MEP1B: variants seen among roughly 807,000 people sequenced by gnomAD.
MEP1B encodes the protein N-benzoyl-L-tyrosyl-P-amino-benzoic acid hydrolase subunit beta.
Under a neutral mutation model 84.6 loss-of-function variants are expected in MEP1B, and 80 were observed. The ratio of observed to expected loss-of-function variants is 0.95; its 90% CI spans 0.79 to 1.14. MEP1B has a LOEUF of 1.14. Among genes scored for constraint, MEP1B ranks in the 50% most tolerant of loss-of-function variants. The pLI, the probability that MEP1B is intolerant of heterozygous loss-of-function variation, is 0.00. For synonymous variants in MEP1B, 273 were observed against 288.1 expected, an observed-to-expected ratio of 0.95 and a Z score of 0.53; for missense variants, 766 against 855.1, an observed-to-expected ratio of 0.90 and a Z score of 1.30.
chr18:32,205,214 A>G (rs541377448), intron 7 of MEP1B, among the ~76,000 whole-genome samples: 2 of 152,254 alleles, frequency 1.3e-5, no homozygotes, highest in Non-Finnish European at 2.9e-5. Flanking sequence ...ATTTGGATTT[A>G]TTGTTTCATG....
At chr18:32,190,811 A>G (rs1435894245) in intron 1 of MEP1B, among the ~76,000 whole-genome samples, 1 of 152,132 alleles carries the variant, frequency 6.6e-6, no homozygotes, top group African/African-American at 2.4e-5. Flanking sequence ...GCATTCCTCT[A>G]TGAGTGTATG....
chr18:32,204,379 C>G lies in MEP1B; in HGVS notation c.547+19C>G. 6.4e-7 allele frequency: 1 copy of G among 1,557,432 alleles called. No homozygotes were observed. The highest frequency in any genetic ancestry group is 8.7e-7 in the Non-Finnish European group (1 of 1,147,858). ...CTGTCAGGTACATTTCTCTTTTTTTCCTATGTTTTTAGTTAAGGACTGAAT... is the reference window on the plus strand; with the variant it reads ...CTGTCAGGTACATTTCTCTTTTTTTGCTATGTTTTTAGTTAAGGACTGAAT... On this transcript the variant is annotated intron_variant, in intron 7 of 14. Coordinates refer to ENST00000269202, the MANE Select transcript of MEP1B (RefSeq NM_005925.3).
At chr18:32,211,388 A>T (rs2041026228) in intron 10 of MEP1B, among the ~76,000 whole-genome samples, 1 of 152,226 alleles carries the variant, frequency 6.6e-6, no homozygotes, top group Admixed American at 6.5e-5. Flanking sequence ...TGTGGGACAG[A>T]TGAGGGAGAC....
At position 32,220,234 on chromosome 18, in the gene MEP1B, C is replaced by A; in HGVS notation, c.2095C>A (p.His699Asn). 1 of 1,608,024 alleles carries A rather than the reference C, an allele frequency of 6.2e-7. No homozygotes were observed. Reference protein sequence around the residue: ...NRPNLTPQNQHAF With the variant: ...NRPNLTPQNQNAF ...CAATTGTTCTTTCCCCTTTTAGCAGCATGCTTTTTGAAGATTAACTCGACA... is the reference window on the plus strand; with the variant it reads ...CAATTGTTCTTTCCCCTTTTAGCAGAATGCTTTTTGAAGATTAACTCGACA... The change falls in exon 15 of 15, where the codon CAT (histidine) becomes AAT (asparagine). Residue 699 changes from histidine (H) to asparagine (N), a missense_variant. Transcript: ENST00000269202.
chr18:32,213,029 C>G (rs1214004418), intron 10 of MEP1B, 87 bp from the exon 11 acceptor site: 3 of 1,290,300 alleles, frequency 2.3e-6, no homozygotes, highest in Non-Finnish European at 3.3e-6. Flanking sequence ...TTGGATGACC[C>G]TTTGTCTAAG....
At position 32,213,262 on chromosome 18, in the gene MEP1B, C is replaced by T. The variant is rs547923472; in HGVS notation, c.1282C>T (p.Pro428Ser). 1.2e-6 allele frequency: 2 copies of T among 1,613,928 alleles called. No individual in the cohort carries two copies. Among genetic ancestry groups the T allele is most frequent in the African/African-American group, 2.7e-5 (2 of 75,014 alleles). The change falls in exon 11 of 15, where the codon CCT becomes TCT. Residue 428 changes from proline (P) to serine (S), a missense_variant. Coordinates refer to ENST00000269202, the MANE Select transcript of MEP1B (RefSeq NM_005925.3). Reference protein sequence around the residue: ...DDINLSETRCPHHIWHIRNFT... With the variant: ...DDINLSETRCSHHIWHIRNFT... ...CATCAATCTTTCGGAAACACGGTGC[C>T]CTCATCATATCTGGCATATAAGGAA...
intron 10 of MEP1B, among the ~76,000 whole-genome samples, chr18:32,212,663 T>G (rs2041040341): frequency 6.6e-6 from 1 of 152,142 alleles, no homozygotes; most frequent in East Asian, 1.9e-4. Context: ...TACCAAAAAG[T>G]TGATTGAAGA....
chr18:32,207,561 G>C, intron 8 of MEP1B, 91 bp downstream of exon 8: 1 of 828,184 alleles, frequency 1.2e-6, no homozygotes, highest in Non-Finnish European at 2.0e-6. Context: ...GCATTGGTGG[G>C]GTTTCTGCGA....
chr18:32,211,951 TAAG>T (rs1424154763), intron 10 of MEP1B, among the ~76,000 whole-genome samples: 1 of 151,532 alleles, frequency 6.6e-6, no homozygotes, highest in African/African-American at 2.4e-5. Context: ...CTGTAAGCAG[TAAG>T]GTTCTTAATC....
At chr18:32,199,580 T>G (rs1236367895) in intron 5 of MEP1B, among the ~76,000 whole-genome samples, 1 of 138,224 alleles carries the variant, frequency 7.2e-6, no homozygotes, top group Non-Finnish European at 1.6e-5. Context: ...TGAAAGATTT[T>G]GAATATACAT....
In MEP1B at chr18:32,191,842, T is replaced by C. The variant is rs371836760; in HGVS notation, c.82+2T>C. 1 of 1,532,706 alleles carries C rather than the reference T, an allele frequency of 6.5e-7. No homozygotes were observed. The highest frequency in any genetic ancestry group is 8.9e-7 in the Non-Finnish European group (1 of 1,125,866). 94.9% of individuals were successfully genotyped at this position (1,532,706 alleles called of 1,614,324 possible). A position where few individuals can be genotyped will look rare whatever the true frequency, so the allele number is the denominator to read the frequency against. Reference sequence around the variant, plus strand: ...CCCAGGCAACTCCAGAAAACTTTGGTGAGTCTATTTTGAGTTTTGTTCTAG... The same window carrying C: ...CCCAGGCAACTCCAGAAAACTTTGGCGAGTCTATTTTGAGTTTTGTTCTAG... On this transcript the variant is annotated splice_donor_variant, in intron 2 of 14. Coordinates refer to ENST00000269202, the MANE Select transcript of MEP1B (RefSeq NM_005925.3). LOFTEE classifies it high-confidence loss of function.
chr18:32,207,617 T>A (rs1285540170), intron 8 of MEP1B, 147 bp downstream of exon 8: 10 of 633,738 alleles, frequency 1.6e-5, no homozygotes, highest in Non-Finnish European at 2.5e-5. Context: ...AGCACTCAGA[T>A]CTCAATCTAC....
At chr18:32,218,351 C>G (rs1274497668) in intron 14 of MEP1B, among the ~76,000 whole-genome samples, 4 of 152,092 alleles carry the variant, frequency 2.6e-5, no homozygotes, top group African/African-American at 4.8e-5. Context: ...TGGTGGTGAG[C>G]TGAGGCCATA....
At chr18:32,220,056 A>T (rs2041134394) in intron 14 of MEP1B, among the ~76,000 whole-genome samples, 175 bp from the exon 15 acceptor site, 1 of 152,186 alleles carries the variant, frequency 6.6e-6, no homozygotes, top group Non-Finnish European at 1.5e-5. Flanking sequence ...TGTGGGCCCG[A>T]AAAGCCAGGG....
At chr18:32,211,613 T>C (rs1425635975) in intron 10 of MEP1B, among the ~76,000 whole-genome samples, 2 of 152,198 alleles carry the variant, frequency 1.3e-5, no homozygotes, top group Non-Finnish European at 2.9e-5. Context: ...GGGATACTTA[T>C]GTCTTAAGTT....
chr18:32,216,983 CT>C lies in MEP1B; in HGVS notation c.1760-6del. ...GATTTCCATCCACACTCTTCCCCAT[CT>C]TCCTAGACATATCTCACCTCAACTC... On this transcript the variant is annotated splice_region_variant and splice_polypyrimidine_tract_variant and intron_variant, in intron 12 of 14. Transcript: ENST00000269202. 1 of 1,613,180 alleles carries C rather than the reference CT, an allele frequency of 6.2e-7. No individual in the cohort carries two copies.
intron 2 of MEP1B, among the ~76,000 whole-genome samples, 198 bp from the exon 3 acceptor site, chr18:32,192,448 A>T (rs182533268): frequency 6.6e-6 from 1 of 152,242 alleles, no homozygotes; most frequent in East Asian, 1.9e-4. Flanking sequence ...ATACATACAT[A>T]AAAGCTCTTT....
chr18:32,208,260 G>A lies in MEP1B; in HGVS notation c.908G>A (p.Gly303Asp), dbSNP rs762241987. The A allele has an allele frequency of 8.7e-6, 14 of 1,613,496 alleles. No homozygotes were observed. In the Admixed American group the frequency reaches 1.7e-4, roughly 19 times the overall value. ...CCAGAGAGTGATCACTCCAACATGG[G>A]CCAGTGCCAAGGTAACAGGAGTGAG... is the stretch of plus-strand genomic sequence containing the variant. ...RGPESDHSNMGQCQGSGFFMH... is the reference protein window; with the variant it reads ...RGPESDHSNMDQCQGSGFFMH... The change falls in exon 9 of 15, where the codon GGC becomes GAC. Residue 303 changes from glycine to aspartate, a missense_variant. By Grantham distance (94) the Gly-to-Asp change is moderately conservative. Transcript: ENST00000269202.
intron 6 of MEP1B, among the ~76,000 whole-genome samples, chr18:32,203,538 C>T (rs1466015906): frequency 1.3e-5 from 2 of 152,274 alleles, no homozygotes; most frequent in East Asian, 3.9e-4. Flanking sequence ...GGACGATTTG[C>T]TCCTATGTAA....
Sources: allele counts gnomAD v4.1 joint callset (sites outside exome capture counted in the v4.1 genomes callset), GRCh38; gene constraint gnomAD v4.1.1; transcripts MANE v1.5; gene names NCBI Gene and HGNC (gene_info 2026-07-23, HGNC 2026-07-21).